Variants in PFKP observed in about 807,000 individuals in gnomAD.
PFKP encodes ATP-dependent 6-phosphofructokinase, platelet type.
PFKP carries 101 observed loss-of-function variants against 94.3 expected under a neutral mutation model. That is an observed-to-expected ratio of 1.07 (90% CI 0.91 to 1.26). The LOEUF is 1.26. Ranked by LOEUF, PFKP falls within the 50% of genes most tolerant of loss-of-function variation. The probability of loss-of-function intolerance (pLI) is 0.00; values close to 1 mark genes in which losing one functional copy is unlikely to be tolerated. For missense variants in PFKP, 1,145 were observed against 1,103.3 expected (o/e 1.04, Z -0.53); for synonymous variants, 573 against 432.6 (o/e 1.32, Z -4.03).
At chr10:3,090,167 G>A (rs371927840) in intron 2 of PFKP, among the ~76,000 whole-genome samples, 9 of 152,168 alleles carry the variant, frequency 5.9e-5, no homozygotes, top group Admixed American at 2.0e-4. Flanking sequence ...AAAATGTGGC[G>A]TATATACGCA....
intron 17 of PFKP, among the ~76,000 whole-genome samples, chr10:3,131,389 A>G (rs4880592): frequency 0.42 from 64,091 of 152,110 alleles, 13,773 homozygotes; most frequent in African/African-American, 0.51. Flanking sequence ...TCAGAAATCT[A>G]TCCAAAGATC....
At chr10:3,116,910 A>G in intron 14 of PFKP, 64 bp downstream of exon 14, 2 of 1,294,970 alleles carry the variant, frequency 1.5e-6, no homozygotes, top group Non-Finnish European at 2.3e-6. Context: ...GTGTTCTGGG[A>G]GAGAATCGCT....
chr10:3,093,838 T>G (rs1374894011), intron 2 of PFKP, among the ~76,000 whole-genome samples: 1 of 151,962 alleles, frequency 6.6e-6, no homozygotes, highest in East Asian at 1.9e-4. Context: ...AGAGGTGGGG[T>G]TTCACCGTGT....
At position 3,135,729 on chromosome 10, in the gene PFKP, T is replaced by G; in HGVS notation, c.2123-7T>G. The G allele has an allele frequency of 6.3e-7, 1 of 1,585,122 alleles. No individual in the cohort carries two copies. On this transcript the variant is annotated splice_polypyrimidine_tract_variant and splice_region_variant and intron_variant, in intron 20 of 21. Transcript: ENST00000381125. ...GTGTTATTAATCTTTTTTAAAATCT[T>G]TTATAGGAAAAAAATTTACCACCGA...
In PFKP at chr10:3,133,367, A is replaced by G. The variant is rs1838826801; in HGVS notation, c.2022+53A>G. On this transcript the variant is annotated intron_variant, in intron 19 of 21. Transcript: ENST00000381125. ...CAAAGCCCCTGTCATGTGACTTTTAAAAGATTAGTGTCTTATTTTAGCCAT... is the reference window on the plus strand; with the variant it reads ...CAAAGCCCCTGTCATGTGACTTTTAGAAGATTAGTGTCTTATTTTAGCCAT... 3.6e-6 allele frequency: 4 copies of G among 1,112,778 alleles called. No homozygotes were observed. The South Asian group carries it at 5.0e-5, about 14-fold the overall frequency. The allele number at this position is 1,112,778 out of a possible 1,614,324, so 68.9% of individuals were successfully genotyped here.
chr10:3,094,605 C>T (rs1035799128), intron 2 of PFKP, among the ~76,000 whole-genome samples: 1 of 152,168 alleles, frequency 6.6e-6, no homozygotes, highest in East Asian at 1.9e-4. Flanking sequence ...ATCTCAGGCT[C>T]TGCCTCTGAA....
At chr10:3,093,542 G>T (rs1406388572) in intron 2 of PFKP, among the ~76,000 whole-genome samples, 1 of 152,058 alleles carries the variant, frequency 6.6e-6, no homozygotes, top group African/African-American at 2.4e-5. Context: ...AGTTGAGGTG[G>T]CCTGGTTCTG....
At position 3,131,708 on chromosome 10, in the gene PFKP, C is replaced by T. The variant is rs185694528; in HGVS notation, c.1849-672C>T. Among the ~76,000 whole-genome samples the T allele has an allele frequency of 1.5e-3, 226 of 152,328 alleles. 4 individuals carry two copies. The highest frequency in any genetic ancestry group is 4.2e-3 in the African/African-American group (173 of 41,566). On this transcript the variant is annotated intron_variant, in intron 17 of 21. Transcript: ENST00000381125. ...TCCTGACCTCAGGCAATCTATCCGCCTTGGCCTCCCAAAGTGCTGGGACTA... is the reference window on the plus strand; with the variant it reads ...TCCTGACCTCAGGCAATCTATCCGCTTTGGCCTCCCAAAGTGCTGGGACTA...
At chr10:3,101,799 C>T (rs910895289) in intron 4 of PFKP, among the ~76,000 whole-genome samples, 13 of 152,332 alleles carry the variant, frequency 8.5e-5, no homozygotes, top group African/African-American at 2.4e-4. Flanking sequence ...GGAATCCTCA[C>T]GACAGCCATC....
At chr10:3,102,111 C>T (rs377401929) in intron 4 of PFKP, among the ~76,000 whole-genome samples, 5 of 150,194 alleles carry the variant, frequency 3.3e-5, no homozygotes, top group African/African-American at 9.8e-5. Flanking sequence ...ATTAGCCGGG[C>T]GTAGTGGCGG....
At chr10:3,098,717 C>G (rs1465924125) in intron 2 of PFKP, among the ~76,000 whole-genome samples, 1 of 148,166 alleles carries the variant, frequency 6.7e-6, no homozygotes, top group Admixed American at 6.8e-5. Flanking sequence ...CTTCTTCTAT[C>G]AATGTGTCCT....
At chr10:3,090,722 A>T (rs949267057) in intron 2 of PFKP, among the ~76,000 whole-genome samples, 1 of 152,114 alleles carries the variant, frequency 6.6e-6, no homozygotes, top group Non-Finnish European at 1.5e-5. Flanking sequence ...ACAGTCAAAG[A>T]TGTCCTTACA....
intron 1 of PFKP, among the ~76,000 whole-genome samples, chr10:3,070,785 TGTA>T (rs1448728032): frequency 2.0e-5 from 3 of 151,972 alleles, no homozygotes; most frequent in East Asian, 3.9e-4. Context: ...CAGGCCAGAG[TGTA>T]GTGGTGCCAT....
chr10:3,076,925 G>A (rs1832642232), intron 1 of PFKP, among the ~76,000 whole-genome samples: 1 of 152,112 alleles, frequency 6.6e-6, no homozygotes, highest in African/African-American at 2.4e-5. Context: ...ATCTGCCTTT[G>A]GCATCCCACC....
At position 3,104,627 on chromosome 10, in the gene PFKP, G is replaced by A. The variant is rs575888124; in HGVS notation, c.621-488G>A. On this transcript the variant is annotated intron_variant, in intron 5 of 21. Transcript: ENST00000381125. ...ACCCCACAGTTGGTGGAAAATCACC[G>A]AGTTGGAAGGCTGCTCGGAGCAGTT... The A allele has an allele frequency of 3.4e-5, 7 of 207,652 alleles. No homozygotes were observed. The East Asian group carries it at 5.0e-4, about 15-fold the overall frequency. The allele number at this position is 207,652 out of a possible 1,614,324, so 12.9% of individuals were successfully genotyped here. A position where few individuals can be genotyped will look rare whatever the true frequency, so the allele number is the denominator to read the frequency against.
intron 12 of PFKP, 34 bp from the exon 13 acceptor site, chr10:3,113,338 G>A (rs374291350): frequency 4.1e-5 from 64 of 1,574,808 alleles, no homozygotes; most frequent in East Asian, 9.0e-5. Flanking sequence ...ACGTGTGCCC[G>A]TGACCCAGCA....
chr10:3,084,484 G>A lies in PFKP; in HGVS notation c.186+2023G>A, dbSNP rs150566370. Among the ~76,000 whole-genome samples, 706 of 152,258 alleles carry A rather than the reference G, an allele frequency of 4.6e-3. 2 individuals carry two copies. Among genetic ancestry groups the A allele is most frequent in the South Asian group, 9.1e-3 (44 of 4,828 alleles). On this transcript the variant is annotated intron_variant, in intron 2 of 21. Transcript: ENST00000381125. ...GCTTTTATTCAATTAAACTGGTTAC[G>A]TGGTTATTGTTTGTATTTATGCGAT...
At chr10:3,077,251 TTTTTTTTTTC>T (rs1392619568) in intron 1 of PFKP, among the ~76,000 whole-genome samples, 2 of 110,994 alleles carry the variant, frequency 1.8e-5, no homozygotes, top group African/African-American at 6.8e-5. Context: ...ATTCTTTACT[TTTTTTTTTTC>T]TTTTTTTTTT....
chr10:3,130,434 G>C (rs568180277), intron 17 of PFKP, among the ~76,000 whole-genome samples: 3 of 152,248 alleles, frequency 2.0e-5, no homozygotes, highest in Non-Finnish European at 4.4e-5. Flanking sequence ...TTTAGGGAAG[G>C]GTGTCGCTGA....
Sources: allele counts gnomAD v4.1 joint callset (sites outside exome capture counted in the v4.1 genomes callset), GRCh38; gene constraint gnomAD v4.1.1; transcripts MANE v1.5; gene names NCBI Gene and HGNC (gene_info 2026-07-23, HGNC 2026-07-21).